The following KCNH7 variants were observed in gnomAD, a reference collection of about 807,000 sequenced individuals.
The protein encoded by KCNH7 is potassium voltage-gated channel subfamily H member 7.
Under a neutral mutation model 120.8 loss-of-function variants are expected in KCNH7, and 49 were observed. The observed-to-expected ratio is 0.41, with a 90% CI of 0.32 to 0.51. The LOEUF (loss-of-function observed/expected upper bound fraction) is 0.51. Among genes scored for constraint, KCNH7 ranks in the 20% least tolerant of loss-of-function variants. KCNH7 has a pLI of 0.38. For missense variants in KCNH7, 1,097 were observed against 1,446.6 expected (o/e 0.76, Z 3.92); for synonymous variants, 547 against 516.1 (o/e 1.06, Z -0.81).
chr2:162,698,406 T>C (rs991425785), intron 2 of KCNH7, among the ~76,000 whole-genome samples: 1 of 151,330 alleles, frequency 6.6e-6, no homozygotes, highest in African/African-American at 2.5e-5. Flanking sequence ...TTTTTTGTTT[T>C]GTAGGATAAC....
intron 2 of KCNH7, among the ~76,000 whole-genome samples, chr2:162,609,440 G>C (rs935359006): frequency 1.3e-5 from 2 of 151,926 alleles, no homozygotes; most frequent in Non-Finnish European, 2.9e-5. Context: ...AATACTTACA[G>C]GATTTTTTAA....
intron 2 of KCNH7, among the ~76,000 whole-genome samples, chr2:162,680,657 A>G (rs1205506214): frequency 6.6e-6 from 1 of 151,738 alleles, no homozygotes; most frequent in African/African-American, 2.4e-5. Context: ...ATAGAAATGT[A>G]AATACATATC....
rs779418084 is a variant in KCNH7, at chr2:162,441,999, CTTTTTTTTTTT to C, written c.1554+4008_1554+4018del. Among the ~76,000 whole-genome samples the C allele has an allele frequency of 1.7e-3, 70 of 41,560 alleles. No individual in the cohort carries two copies. In the South Asian group the frequency reaches 0.029, roughly 17 times the overall value. The allele number at this position is 41,560 out of a possible 152,430, so 27.3% of individuals were successfully genotyped here. A position where few individuals can be genotyped will look rare whatever the true frequency, so the allele number is the denominator to read the frequency against. On this transcript the variant is annotated intron_variant, in intron 7 of 15. Coordinates refer to ENST00000332142, the MANE Select transcript of KCNH7 (RefSeq NM_033272.4). ...GAAAAAAATTAAATAGTTAGGTCTT[CTTTTTTTTTTT>C]TTTTTTTTTTTTTTTTTTTTTTTTG... is the stretch of plus-strand genomic sequence containing the variant.
chr2:162,569,384 A>T (rs908395406), intron 2 of KCNH7, among the ~76,000 whole-genome samples: 42 of 150,754 alleles, frequency 2.8e-4, no homozygotes, highest in African/African-American at 1.0e-3. Context: ...TATCCTCTTT[A>T]TCATTTTTTA....
intron 6 of KCNH7, among the ~76,000 whole-genome samples, chr2:162,467,627 A>C (rs1483088242): frequency 1.3e-5 from 2 of 152,208 alleles, no homozygotes; most frequent in African/African-American, 4.8e-5. Context: ...GTAAACCTTT[A>C]TACTTTATAA....
chr2:162,454,131 A>G (rs1688876320), intron 6 of KCNH7, among the ~76,000 whole-genome samples: 1 of 152,166 alleles, frequency 6.6e-6, no homozygotes, highest in African/African-American at 2.4e-5. Flanking sequence ...TAATTTTTCT[A>G]TAAGGTGTAT....
intron 2 of KCNH7, among the ~76,000 whole-genome samples, chr2:162,706,674 G>A (rs1303961277): frequency 6.6e-6 from 1 of 152,050 alleles, no homozygotes; most frequent in African/African-American, 2.4e-5. Context: ...GAAGCTTACA[G>A]AGCTCTTGAT....
rs529547566 is a variant in KCNH7 at position 162,396,171 on chromosome 2, A to G, written c.2613+569T>C. Among the ~76,000 whole-genome samples, 74 of 151,876 alleles carry G rather than the reference A, an allele frequency of 4.9e-4. 1 individual carries two copies. The South Asian group carries it at 7.2e-3, about 15-fold the overall frequency. ...CATTCTGGGTTAACTTACATATATA[A>G]TTATTTAAACTATTATTTCTGTTAG... On this transcript the variant is annotated intron_variant, in intron 11 of 15. Coordinates refer to ENST00000332142, the MANE Select transcript of KCNH7 (RefSeq NM_033272.4).
intron 6 of KCNH7, among the ~76,000 whole-genome samples, chr2:162,479,159 A>C (rs1428379117): frequency 1.3e-5 from 2 of 151,062 alleles, no homozygotes; most frequent in Admixed American, 6.6e-5. Context: ...AAAAAAAAAA[A>C]GAATGTGAAA....
rs747400528 is a variant in KCNH7, at chr2:162,372,111, C to A, written c.3325-16G>T. 1 of 1,590,590 alleles carries A rather than the reference C, an allele frequency of 6.3e-7. No homozygotes were observed. Among genetic ancestry groups the A allele is most frequent in the Non-Finnish European group, 8.6e-7 (1 of 1,163,924 alleles). On this transcript the variant is annotated splice_polypyrimidine_tract_variant and intron_variant, in intron 15 of 15. Coordinates refer to ENST00000332142, the MANE Select transcript of KCNH7 (RefSeq NM_033272.4). ...ATTCAGGACACTGATGGAAAAAGAACAAAACAAGTTTTTATAATTCACATT... is the reference window on the plus strand; with the variant it reads ...ATTCAGGACACTGATGGAAAAAGAAAAAAACAAGTTTTTATAATTCACATT...
chr2:162,674,970 C>T (rs1250024105), intron 2 of KCNH7, among the ~76,000 whole-genome samples: 1 of 151,468 alleles, frequency 6.6e-6, no homozygotes, highest in Non-Finnish European at 1.5e-5. Flanking sequence ...TCTTATAATA[C>T]ACACCTTTTA....
intron 2 of KCNH7, among the ~76,000 whole-genome samples, chr2:162,799,949 TACACACACAC>T (rs3052920): frequency 6.8e-6 from 1 of 146,314 alleles, no homozygotes; most frequent in Non-Finnish European, 1.5e-5. Context: ...TTTACACACA[TACACACACAC>T]ACACACACAC....
chr2:162,609,367 ATTTTTCTT>A (rs987709360), intron 2 of KCNH7, among the ~76,000 whole-genome samples: 5 of 152,014 alleles, frequency 3.3e-5, no homozygotes, highest in Non-Finnish European at 5.9e-5. Context: ...TAGAGAATGC[ATTTTTCTT>A]TTTTTCTTTT....
At chr2:162,543,120 C>A (rs997687046) in intron 2 of KCNH7, among the ~76,000 whole-genome samples, 2 of 151,800 alleles carry the variant, frequency 1.3e-5, no homozygotes, top group African/African-American at 2.4e-5. Flanking sequence ...ACTAAAGGAG[C>A]CTACTGAAAA....
intron 2 of KCNH7, among the ~76,000 whole-genome samples, chr2:162,562,299 A>G (rs1045190143): frequency 7.9e-5 from 12 of 152,312 alleles, no homozygotes; most frequent in African/African-American, 2.9e-4. Context: ...TATAATATGA[A>G]TGATTTTTAT....
chr2:162,669,838 A>G (rs973491723), intron 2 of KCNH7, among the ~76,000 whole-genome samples: 28 of 152,118 alleles, frequency 1.8e-4, no homozygotes, highest in African/African-American at 6.5e-4. Flanking sequence ...GGTGGCTCAC[A>G]CCTGTAATCC....
At chr2:162,418,296 C>A (rs1316145569) in intron 9 of KCNH7, among the ~76,000 whole-genome samples, 1 of 151,960 alleles carries the variant, frequency 6.6e-6, no homozygotes, top group Admixed American at 6.6e-5. Context: ...GGAGGATTAT[C>A]TGGATATGAG....
chr2:162,679,207 T>C (rs1685629276), intron 2 of KCNH7, among the ~76,000 whole-genome samples: 1 of 151,558 alleles, frequency 6.6e-6, no homozygotes, highest in African/African-American at 2.4e-5. Flanking sequence ...TAGAAAATAC[T>C]TTCTCAGAAC....
intron 3 of KCNH7, among the ~76,000 whole-genome samples, chr2:162,531,253 A>G (rs1376595518): frequency 2.6e-5 from 4 of 152,074 alleles, no homozygotes; most frequent in Admixed American, 2.6e-4. Context: ...TGTAAAGACT[A>G]TCTTCCATTT....
Sources: gnomAD v4.1 joint callset for allele counts (sites outside exome capture counted in the v4.1 genomes callset) on GRCh38, gnomAD v4.1.1 for gene constraint, MANE v1.5 for transcripts, NCBI Gene and HGNC (gene_info 2026-07-23, HGNC 2026-07-21) for gene names.